Variants in EXD3 observed in about 807,000 individuals in gnomAD.
EXD3 encodes exonuclease mut-7 homolog.
A neutral mutation model predicts 98.0 loss-of-function variants in EXD3; 92 were observed. The observed-to-expected ratio is 0.94, with a 90% CI of 0.79 to 1.12. EXD3 has a LOEUF of 1.12. EXD3 is among the 50% of genes most tolerant of loss of function. EXD3 has a pLI of 0.00. For synonymous variants in EXD3, 569 were observed against 526.0 expected (o/e 1.08, Z -1.12); for missense variants, 1,222 against 1,191.6 (o/e 1.03, Z -0.38).
intron 19 of EXD3, among the ~76,000 whole-genome samples, chr9:137,314,212 C>T (rs1831515854): frequency 6.6e-6 from 1 of 152,214 alleles, no homozygotes; most frequent in Non-Finnish European, 1.5e-5. Context: ...CTGGCCCACA[C>T]CTCACCTTCC....
At position 137,323,872 on chromosome 9, in the gene EXD3, T is replaced by C. The variant is rs751855432; in HGVS notation, c.2053-16A>G. 6.2e-7 allele frequency: 1 copy of C among 1,602,182 alleles called. No individual in the cohort carries two copies. Among genetic ancestry groups the C allele is most frequent in the East Asian group, 2.3e-5 (1 of 44,436 alleles). ...GGGCCCGGAGCTGCAAAGACACGGC[T>C]CGGCTACTGAGGGGCAGTGCAGAGC... On this transcript the variant is annotated splice_polypyrimidine_tract_variant and intron_variant, in intron 18 of 21. Transcript: ENST00000340951.
chr9:137,340,091 A>G (rs1833566563), intron 17 of EXD3, among the ~76,000 whole-genome samples: 1 of 152,238 alleles, frequency 6.6e-6, no homozygotes, highest in African/African-American at 2.4e-5. Context: ...CAGAAAATAA[A>G]ACCCACACGA....
intron 1 of EXD3, among the ~76,000 whole-genome samples, chr9:137,417,318 C>A (rs927724437): frequency 2.0e-5 from 3 of 152,212 alleles, no homozygotes; most frequent in African/African-American, 7.2e-5. Context: ...GTGAGCACAG[C>A]ACACCCCGGC....
chr9:137,328,135 C>CTAATATACTCCCATAT (rs1832578228), intron 17 of EXD3, among the ~76,000 whole-genome samples: 3 of 134,752 alleles, frequency 2.2e-5, no homozygotes, highest in Admixed American at 7.6e-5. Flanking sequence ...GTAAAAACAA[C>CTAATATACTCCCATAT]GAATAAACAC....
chr9:137,409,569 C>A (rs1306729891), intron 1 of EXD3, among the ~76,000 whole-genome samples: 1 of 152,052 alleles, frequency 6.6e-6, no homozygotes, highest in Non-Finnish European at 1.5e-5. Flanking sequence ...AAACAGGTAT[C>A]TATCCAGGCA....
chr9:137,373,530 C>T lies in EXD3; in HGVS notation c.190G>A (p.Glu64Lys), dbSNP rs200337667. ...DPLAGLLDMLESCRGQRGEGP... is the reference protein window; with the variant it reads ...DPLAGLLDMLKSCRGQRGEGP... Reference sequence around the variant, plus strand: ...TCTCCCCGCTGGCCCCGGCAGCTCTCCAGCATGTCCAGAAGCCCGGCCAGG... The same window carrying T: ...TCTCCCCGCTGGCCCCGGCAGCTCTTCAGCATGTCCAGAAGCCCGGCCAGG... The change falls in exon 4 of 22, where the codon GAG becomes AAG. Residue 64 changes from glutamate to lysine, a missense_variant. Glu to Lys is a moderately conservative substitution (Grantham distance 56). Transcript: ENST00000340951. The T allele has an allele frequency of 1.8e-4, 287 of 1,604,124 alleles. 1 individual carries two copies. The African/African-American group carries it at 1.8e-3, about 10-fold the overall frequency.
At chr9:137,316,693 C>T (rs536609719) in intron 19 of EXD3, among the ~76,000 whole-genome samples, 7 of 152,272 alleles carry the variant, frequency 4.6e-5, no homozygotes, top group African/African-American at 1.4e-4. Flanking sequence ...CTCCGGGCTG[C>T]AGGGGCTGGG....
At chr9:137,410,603 T>C (rs1222941222) in intron 1 of EXD3, among the ~76,000 whole-genome samples, 1 of 152,156 alleles carries the variant, frequency 6.6e-6, no homozygotes, top group Non-Finnish European at 1.5e-5. Flanking sequence ...AACGTTGGGT[T>C]CTGAGAACCC....
intron 19 of EXD3, among the ~76,000 whole-genome samples, chr9:137,321,174 C>T (rs1449581738): frequency 3.3e-5 from 5 of 152,236 alleles, no homozygotes; most frequent in Non-Finnish European, 5.9e-5. Flanking sequence ...CTTCAATCCC[C>T]GCCAGGCCCA....
intron 17 of EXD3, among the ~76,000 whole-genome samples, chr9:137,326,649 C>T (rs1438556573): frequency 1.3e-5 from 2 of 152,090 alleles, no homozygotes; most frequent in African/African-American, 4.8e-5. Context: ...CAAATAAAAA[C>T]CACAGTGAGA....
At chr9:137,392,807 G>A in intron 2 of EXD3, 2 of 341,556 alleles carry the variant, frequency 5.9e-6, no homozygotes, top group South Asian at 2.2e-5. Flanking sequence ...GCTGTTCTGT[G>A]GGGGGGCGCC....
intron 1 of EXD3, among the ~76,000 whole-genome samples, chr9:137,409,692 T>G (rs1020424928): frequency 1.3e-5 from 2 of 152,096 alleles, no homozygotes; most frequent in Non-Finnish European, 2.9e-5. Flanking sequence ...CTGGCAAGGA[T>G]TCAGTTCACA....
chr9:137,320,182 C>T (rs1017313494), intron 19 of EXD3, among the ~76,000 whole-genome samples: 9 of 152,242 alleles, frequency 5.9e-5, no homozygotes, highest in Non-Finnish European at 8.8e-5. Context: ...GGCCCCTGGC[C>T]GGGCAGTCCG....
intron 2 of EXD3, among the ~76,000 whole-genome samples, chr9:137,387,435 C>G (rs765417362): frequency 5.3e-5 from 8 of 152,200 alleles, no homozygotes; most frequent in African/African-American, 1.7e-4. Context: ...AAGTGTCTGC[C>G]GTGCCGGGCT....
chr9:137,321,507 A>T (rs532871140), intron 19 of EXD3, among the ~76,000 whole-genome samples: 1 of 152,190 alleles, frequency 6.6e-6, no homozygotes, highest in Non-Finnish European at 1.5e-5. Flanking sequence ...ACATGGTGAA[A>T]CCCTGTCTCT....
chr9:137,407,377 G>A lies in EXD3; in HGVS notation c.-47-11973C>T, dbSNP rs1255694362. ...GCAGAGGTGACTGCTCCCCCGCGAAGCCCACCCACCTGAGGTCCTGGCCCC... is the reference window on the plus strand; with the variant it reads ...GCAGAGGTGACTGCTCCCCCGCGAAACCCACCCACCTGAGGTCCTGGCCCC... On this transcript the variant is annotated intron_variant, in intron 1 of 21. Transcript: ENST00000340951. The surrounding 1 kb of genome is among the most constrained non-coding windows in gnomAD (Gnocchi z 4.4). Among the ~76,000 whole-genome samples, 3 of 152,210 alleles carry A rather than the reference G, an allele frequency of 2.0e-5. No homozygotes were observed. Among genetic ancestry groups the A allele is most frequent in the African/African-American group, 4.8e-5 (2 of 41,452 alleles).
chr9:137,413,174 C>T (rs1838079396), intron 1 of EXD3, among the ~76,000 whole-genome samples: 1 of 152,070 alleles, frequency 6.6e-6, no homozygotes, highest in South Asian at 2.1e-4. Context: ...TGTTCACATA[C>T]ATGAGTCACC....
At chr9:137,313,628 G>A (rs1831479307) in intron 19 of EXD3, among the ~76,000 whole-genome samples, 1 of 152,184 alleles carries the variant, frequency 6.6e-6, no homozygotes, top group Admixed American at 6.5e-5. Flanking sequence ...GCCCCATGGG[G>A]GGTGTGGCAG....
intron 3 of EXD3, among the ~76,000 whole-genome samples, chr9:137,376,842 T>C (rs191188296): frequency 1.7e-4 from 26 of 151,132 alleles, no homozygotes; most frequent in Admixed American, 1.6e-3. Flanking sequence ...GGCAGGAGAA[T>C]TGCTTAAACT....
Sources: gnomAD v4.1 joint callset for allele counts (sites outside exome capture counted in the v4.1 genomes callset) on GRCh38, gnomAD v4.1.1 for gene constraint, Gnocchi (gnomAD v3.1) non-coding constraint, MANE v1.5 for transcripts, NCBI Gene and HGNC (gene_info 2026-07-23, HGNC 2026-07-21) for gene names.